Variants in TANC2 observed in about 807,000 individuals in gnomAD.
TANC2 encodes protein TANC2.
Under a neutral mutation model 210.5 loss-of-function variants are expected in TANC2, and 26 were observed. The observed-to-expected ratio is 0.12, with a 90% confidence interval of 0.09 to 0.17. TANC2 has a LOEUF of 0.17. Among genes scored for constraint, TANC2 ranks in the 10% least tolerant of loss-of-function variants. The probability of loss-of-function intolerance (pLI) is 1.00; values close to 1 mark genes in which losing one functional copy is unlikely to be tolerated. For synonymous variants in TANC2, 931 were observed against 967.1 expected (o/e 0.96, Z 0.69); for missense variants, 2,129 against 2,608.9 (o/e 0.82, Z 4.01).
chr17:63,412,006 C>T lies in TANC2; in HGVS notation c.3774C>T (p.Phe1258=). 1 of 1,613,822 alleles carries T rather than the reference C, an allele frequency of 6.2e-7. No homozygotes were observed. The highest frequency in any genetic ancestry group is 8.5e-7 in the Non-Finnish European group (1 of 1,179,848). The change falls in exon 23 of 28, where the codon TTC becomes TTT. Residue 1258 remains phenylalanine (F), a synonymous_variant. Transcript: ENST00000689528. The surrounding 1 kb of genome is among the most constrained non-coding windows in gnomAD (Gnocchi z 4.2). ...CTTGATCCGTGTCCTAGGTCCAGTT[C>T]CTGGTAGATCATGGGGCCATGATCG...
intron 9 of TANC2, among the ~76,000 whole-genome samples, chr17:63,283,403 T>C (rs976204081): frequency 1.3e-5 from 2 of 151,972 alleles, no homozygotes; most frequent in African/African-American, 2.4e-5. Context: ...CACTCCAGTC[T>C]TCTTTTTTAG....
At chr17:63,379,632 G>A (rs536768053) in intron 14 of TANC2, 86 bp from the exon 15 acceptor site, 16 of 1,052,946 alleles carry the variant, frequency 1.5e-5, no homozygotes, top group South Asian at 3.6e-5. Context: ...TTGCGCCACC[G>A]CACTCTAGTC....
At chr17:63,331,756 G>A (rs552187348) in intron 11 of TANC2, among the ~76,000 whole-genome samples, 2 of 151,788 alleles carry the variant, frequency 1.3e-5, no homozygotes, top group Non-Finnish European at 2.9e-5. Flanking sequence ...ATTTGACTTT[G>A]GCAATAAAAA....
intron 9 of TANC2, among the ~76,000 whole-genome samples, chr17:63,284,938 T>G (rs937574548): frequency 1.3e-5 from 2 of 152,176 alleles, no homozygotes; most frequent in Middle Eastern, 3.2e-3. Context: ...AGGACTGTTA[T>G]GTATTCTTGA....
chr17:63,218,701 G>T (rs2042087847), intron 7 of TANC2, among the ~76,000 whole-genome samples: 1 of 152,116 alleles, frequency 6.6e-6, no homozygotes, highest in South Asian at 2.1e-4. Flanking sequence ...TTCGAGACCA[G>T]CCTGGCCAAC....
rs746800474 is a variant in TANC2 at position 63,421,501 on chromosome 17, C to G, written c.5771C>G (p.Ser1924Cys). 1.2e-6 allele frequency: 2 copies of G among 1,613,888 alleles called. No homozygotes were observed. The highest frequency in any genetic ancestry group is 2.7e-5 in the African/African-American group (2 of 74,936). The change falls in exon 28 of 28, where the codon TCC becomes TGC. Residue 1924 changes from serine to cysteine, a missense_variant. Transcript: ENST00000689528. The surrounding 1 kb of genome is among the most constrained non-coding windows in gnomAD (Gnocchi z 6.9). ...GGTTACCCCAGTGAGCCCACCCGATCCAGGACCACACCATTCATGGGGATC... is the reference window on the plus strand; with the variant it reads ...GGTTACCCCAGTGAGCCCACCCGATGCAGGACCACACCATTCATGGGGATC...
In TANC2 at chr17:63,418,433, G is replaced by T; in HGVS notation, c.4268+26G>T. 6.3e-7 allele frequency: 1 copy of T among 1,595,088 alleles called. No individual in the cohort carries two copies. The highest frequency in any genetic ancestry group is 8.5e-7 in the Non-Finnish European group (1 of 1,169,904). ...GTGAGGAGAGAGAGAGAGGGTGAAA[G>T]CAAGAGGTCTCTTTTCTGAAAATTT... On this transcript the variant is annotated intron_variant, in intron 27 of 27. Transcript: ENST00000689528. The surrounding 1 kb of genome is among the most constrained non-coding windows in gnomAD (Gnocchi z 4.6).
chr17:62,995,549 G>A (rs965728491), intron 1 of TANC2, among the ~76,000 whole-genome samples: 1 of 152,158 alleles, frequency 6.6e-6, no homozygotes, highest in South Asian at 2.1e-4. Flanking sequence ...CTGTATGAAA[G>A]AGCTTTGAAG....
intron 7 of TANC2, among the ~76,000 whole-genome samples, chr17:63,214,085 T>G (rs1395178285): frequency 6.6e-6 from 1 of 152,158 alleles, no homozygotes; most frequent in Non-Finnish European, 1.5e-5. Flanking sequence ...GAAAGGAGAC[T>G]CCAAAGAGGA....
chr17:63,301,361 T>C (rs1256755111), intron 9 of TANC2, among the ~76,000 whole-genome samples: 1 of 152,166 alleles, frequency 6.6e-6, no homozygotes, highest in African/African-American at 2.4e-5. Flanking sequence ...TGGTACCAGC[T>C]CCTCTTTGTA....
At chr17:63,206,795 A>G (rs986619612) in intron 7 of TANC2, among the ~76,000 whole-genome samples, 1 of 152,184 alleles carries the variant, frequency 6.6e-6, no homozygotes, top group Admixed American at 6.5e-5. Flanking sequence ...CTAGAGATGG[A>G]TAATGTTGAT....
chr17:62,981,018 C>T (rs2032270351), intron 1 of TANC2, among the ~76,000 whole-genome samples: 1 of 152,188 alleles, frequency 6.6e-6, no homozygotes, highest in African/African-American at 2.4e-5. Context: ...CTGTTTTATA[C>T]CTGTATACTT....
intron 9 of TANC2, among the ~76,000 whole-genome samples, chr17:63,289,545 G>C (rs997234939): frequency 6.6e-6 from 1 of 151,736 alleles, no homozygotes; most frequent in African/African-American, 2.4e-5. Context: ...ATTTCTTTTT[G>C]GTTCTTCCTT....
chr17:63,375,496 T>G (rs1444803969), intron 14 of TANC2, among the ~76,000 whole-genome samples: 1 of 152,226 alleles, frequency 6.6e-6, no homozygotes, highest in Non-Finnish European at 1.5e-5. Context: ...ACAAGCTTTT[T>G]TACATTAATC....
chr17:63,354,356 T>C (rs1295029546), intron 13 of TANC2, among the ~76,000 whole-genome samples: 1 of 152,224 alleles, frequency 6.6e-6, no homozygotes, highest in Non-Finnish European at 1.5e-5. Context: ...ATAGTCATTT[T>C]ATTAGGAGAG....
intron 14 of TANC2, among the ~76,000 whole-genome samples, chr17:63,377,989 C>T (rs547617548): frequency 6.6e-6 from 1 of 152,172 alleles, no homozygotes; most frequent in Admixed American, 6.5e-5. Context: ...GGGTAAACCG[C>T]CCCCATGATT....
At chr17:63,112,844 T>G (rs373099484) in intron 4 of TANC2, among the ~76,000 whole-genome samples, 10 of 152,222 alleles carry the variant, frequency 6.6e-5, no homozygotes, top group African/African-American at 2.4e-4. Flanking sequence ...GGTATCAGTT[T>G]TAAACATGGA....
At chr17:63,385,702 T>C (rs2047757271) in intron 15 of TANC2, among the ~76,000 whole-genome samples, 1 of 152,208 alleles carries the variant, frequency 6.6e-6, no homozygotes, top group South Asian at 2.1e-4. Flanking sequence ...TCTGGGTGCC[T>C]ACATGGGTAC....
At chr17:63,230,149 A>G (rs1338276494) in intron 7 of TANC2, among the ~76,000 whole-genome samples, 2 of 151,606 alleles carry the variant, frequency 1.3e-5, no homozygotes, top group Non-Finnish European at 1.5e-5. Context: ...ATCATTTTTT[A>G]TTGTGTCTAT....
Sources: allele counts gnomAD v4.1 joint callset (sites outside exome capture counted in the v4.1 genomes callset), GRCh38; gene constraint gnomAD v4.1.1; non-coding constraint Gnocchi (gnomAD v3.1); transcripts MANE v1.5; gene names NCBI Gene and HGNC (gene_info 2026-07-23, HGNC 2026-07-21).